PIGG: variants seen among roughly 807,000 people sequenced by gnomAD.
PIGG encodes phosphatidylinositol glycan anchor biosynthesis class G (EMM blood group).
Under a neutral mutation model 83.2 loss-of-function variants are expected in PIGG, and 70 were observed. The ratio of observed to expected loss-of-function variants is 0.84; its 90% CI spans 0.69 to 1.03. PIGG has a LOEUF of 1.03. Ranked by LOEUF, PIGG falls within the 50% of genes least tolerant of loss-of-function variation. The pLI is 0.00. For synonymous variants in PIGG, 532 were observed against 519.5 expected (o/e 1.02, Z -0.33); for missense variants, 1,257 against 1,233.6 (o/e 1.02, Z -0.28).
rs1310018267 is a variant in PIGG, at chr4:500,546, C to A, written c.305C>A (p.Ser102Tyr). Residue 102 changes from serine (S) to tyrosine (Y), a missense_variant, in exon 2 of 13, where the codon TCT becomes TAT. Coordinates refer to ENST00000453061, the MANE Select transcript of PIGG (RefSeq NM_001127178.3). ...ACTTACCTTGTGGAAAAAGGAGCATCTCACAGTTTTGTGGCTGAAGCAAAG... is the reference window on the plus strand; with the variant it reads ...ACTTACCTTGTGGAAAAAGGAGCATATCACAGTTTTGTGGCTGAAGCAAAG... Reference protein sequence around the residue: ...YTTYLVEKGASHSFVAEAKPP... With the variant: ...YTTYLVEKGAYHSFVAEAKPP... 3 of 1,613,680 alleles carry A rather than the reference C, an allele frequency of 1.9e-6. No individual in the cohort carries two copies. The Admixed American group carries it at 5.0e-5, about 27-fold the overall frequency.
At chr4:510,020 A>T (rs1238330997) in intron 5 of PIGG, among the ~76,000 whole-genome samples, 1 of 152,132 alleles carries the variant, frequency 6.6e-6, no homozygotes, top group Non-Finnish European at 1.5e-5. Flanking sequence ...CTGACCTCTT[A>T]TATCTTTTTA....
intron 8 of PIGG, 36 bp downstream of exon 8, chr4:521,977 C>T (rs1336105086): frequency 6.2e-7 from 1 of 1,606,102 alleles, no homozygotes; most frequent in South Asian, 1.1e-5. Flanking sequence ...GTGACGTAGT[C>T]CTTCTGCTCA....
chr4:511,509 G>C (rs1553883422), intron 5 of PIGG, among the ~76,000 whole-genome samples: 1 of 152,120 alleles, frequency 6.6e-6, no homozygotes, highest in African/African-American at 2.4e-5. Flanking sequence ...TTCTTACCCA[G>C]TATAGCTGTG....
chr4:510,753 A>G (rs1721622700), intron 5 of PIGG, among the ~76,000 whole-genome samples: 1 of 152,124 alleles, frequency 6.6e-6, no homozygotes, highest in South Asian at 2.1e-4. Context: ...TTGGGCCACC[A>G]TCATCACAGT....
rs200312383 is a variant in PIGG, at chr4:499,552, C to A, written c.154+63C>A. ...CCACATCCCCTAGAAGACCTTTTTT[C>A]TGAGCCTCGCTGCTCGGATTTCTTC... On this transcript the variant is annotated intron_variant, in intron 1 of 12. Coordinates refer to ENST00000453061, the MANE Select transcript of PIGG (RefSeq NM_001127178.3). The A allele has an allele frequency of 6.7e-6, 10 of 1,483,472 alleles. No homozygotes were observed. In the East Asian group the frequency reaches 2.3e-4, roughly 34 times the overall value. 91.9% of individuals were successfully genotyped at this position (1,483,472 alleles called of 1,614,324 possible). A position where few individuals can be genotyped will look rare whatever the true frequency, so the allele number is the denominator to read the frequency against.
At chr4:513,069 G>A (rs557587794) in intron 5 of PIGG, among the ~76,000 whole-genome samples, 43 of 152,266 alleles carry the variant, frequency 2.8e-4, no homozygotes, top group East Asian at 1.2e-3. Context: ...AGCAGGCCAC[G>A]GTTCAAGGGC....
chr4:500,163 A>C, intron 1 of PIGG: 1 of 553,870 alleles, frequency 1.8e-6, no homozygotes, highest in Non-Finnish European at 3.2e-6. Flanking sequence ...ACTCTTCACC[A>C]TACTGAGGAT....
rs551676573 is a variant in PIGG at position 516,392 on chromosome 4, T to C, written c.1114+207T>C. On this transcript the variant is annotated intron_variant, in intron 6 of 12. Coordinates refer to ENST00000453061, the MANE Select transcript of PIGG (RefSeq NM_001127178.3). ...CCTCAGATGCAGTTATCTAAAGTTC[T>C]TTCATAAATTTATTCATTCAACAAC... Among the ~76,000 whole-genome samples, 12 of 152,354 alleles carry C rather than the reference T, an allele frequency of 7.9e-5. No individual in the cohort carries two copies. In the South Asian group the frequency reaches 2.5e-3, roughly 32 times the overall value.
chr4:511,948 A>G (rs1722102940), intron 5 of PIGG, among the ~76,000 whole-genome samples: 1 of 152,186 alleles, frequency 6.6e-6, no homozygotes, highest in South Asian at 2.1e-4. Flanking sequence ...TTCTGATGAA[A>G]AGTCAATTCT....
At chr4:523,037 C>T (rs532757573) in intron 8 of PIGG, among the ~76,000 whole-genome samples, 28 of 152,274 alleles carry the variant, frequency 1.8e-4, no homozygotes, top group Admixed American at 1.6e-3. Context: ...GCACTGGCGA[C>T]GTGCATCTGA....
chr4:521,966 T>A lies in PIGG; in HGVS notation c.1614+25T>A, dbSNP rs1306580620. On this transcript the variant is annotated intron_variant, in intron 8 of 12. Transcript: ENST00000453061. ...GGTACGTACGGCTGGTTCCTGGGAGTGTGACGTAGTCCTTCTGCTCAGGTT... is the reference window on the plus strand; with the variant it reads ...GGTACGTACGGCTGGTTCCTGGGAGAGTGACGTAGTCCTTCTGCTCAGGTT... 1.4e-5 allele frequency: 22 copies of A among 1,611,006 alleles called. No homozygotes were observed. The South Asian group carries it at 2.2e-4, about 16-fold the overall frequency.
chr4:514,727 A>C (rs555404891), intron 5 of PIGG, among the ~76,000 whole-genome samples: 1 of 152,312 alleles, frequency 6.6e-6, no homozygotes, highest in South Asian at 2.1e-4. Context: ...TCTTCTTCCT[A>C]AGTTTAGAAT....
intron 12 of PIGG, chr4:536,793 G>C (rs571929149): frequency 1.3e-5 from 2 of 152,418 alleles, no homozygotes; most frequent in African/African-American, 4.8e-5. Flanking sequence ...GAACGGATGT[G>C]CTACAGCTGT....
intron 2 of PIGG, among the ~76,000 whole-genome samples, chr4:503,593 T>G (rs1465925355): frequency 6.6e-6 from 1 of 152,188 alleles, no homozygotes; most frequent in African/African-American, 2.4e-5. Context: ...CCTTCAGGTC[T>G]CAGCTCAAGT....
Position 530,746 on chromosome 4 carries a change from G to A in PIGG, c.2571+1G>A. 6.3e-7 allele frequency: 1 copy of A among 1,595,338 alleles called. No individual in the cohort carries two copies. The highest frequency in any genetic ancestry group is 2.2e-5 in the East Asian group (1 of 44,636). On this transcript the variant is annotated splice_donor_variant, in intron 11 of 12. Transcript: ENST00000453061. LOFTEE classifies it high-confidence loss of function. Reference sequence around the variant, plus strand: ...TGGTCAAGCATTCTTCTATTTTCAGGTAGGTTTTCATTATTATCATGGGTA... The same window carrying A: ...TGGTCAAGCATTCTTCTATTTTCAGATAGGTTTTCATTATTATCATGGGTA...
chr4:501,191 T>C (rs1437532998), intron 2 of PIGG: 7 of 455,020 alleles, frequency 1.5e-5, no homozygotes, highest in Non-Finnish European at 2.6e-5. Flanking sequence ...ATTGATTGGC[T>C]CAAAACTTTT....
At position 528,581 on chromosome 4, in the gene PIGG, C is replaced by A; in HGVS notation, c.2261+1351C>A. On this transcript the variant is annotated intron_variant, in intron 10 of 12. Transcript: ENST00000453061. This position sits in a 1 kb window ranked among gnomAD's most constrained non-coding sequence, Gnocchi z 4.8. ...CTGGGGCAGAGAGGATGCTGACGTG[C>A]AGGTACCAGCGGTGTTCTGTGGAGA... is the stretch of plus-strand genomic sequence containing the variant. The A allele has an allele frequency of 1.0e-6, 1 of 985,358 alleles. No homozygotes were observed. Among genetic ancestry groups the A allele is most frequent in the Non-Finnish European group, 1.2e-6 (1 of 829,914 alleles). The allele number at this position is 985,358 out of a possible 1,614,324, so 61.0% of individuals were successfully genotyped here. A position where few individuals can be genotyped will look rare whatever the true frequency, so the allele number is the denominator to read the frequency against.
At chr4:524,056 C>G in intron 9 of PIGG, 143 bp downstream of exon 9, 2 of 601,840 alleles carry the variant, frequency 3.3e-6, no homozygotes, top group Middle Eastern at 4.4e-4. Context: ...GGAAAATACA[C>G]TAAAACCAGT....
chr4:539,220 A>G lies in PIGG; in HGVS notation c.2803A>G (p.Ile935Val), dbSNP rs1205693775. Residue 935 changes from isoleucine to valine, a missense_variant, in exon 13 of 13, where the codon ATC (isoleucine) becomes GTC (valine). Physicochemically the swap from Ile to Val is conservative, Grantham distance 29 (BLOSUM62 3). Transcript: ENST00000453061. ...TTGTTCTATTCCAGTTTTCACGTAC[A>G]TCGTTTTGGTGACATCTCTGCGTTA... ...LICSIPVFTY[I>V]VLVTSLRYHL... 10 of 1,613,382 alleles carry G rather than the reference A, an allele frequency of 6.2e-6. No homozygotes were observed. Among genetic ancestry groups the G allele is most frequent in the African/African-American group, 1.3e-5 (1 of 74,922 alleles).
Sources: gnomAD v4.1 joint callset for allele counts (sites outside exome capture counted in the v4.1 genomes callset) on GRCh38, gnomAD v4.1.1 for gene constraint, Gnocchi (gnomAD v3.1) non-coding constraint, MANE v1.5 for transcripts, NCBI Gene and HGNC (gene_info 2026-07-23, HGNC 2026-07-21) for gene names.